The following LRRC26 variants were observed in gnomAD, a reference collection of about 807,000 sequenced individuals.
LRRC26 encodes the protein leucine rich repeat containing 26.
A neutral mutation model predicts 15.3 loss-of-function variants in LRRC26; 17 were observed. That is an observed-to-expected ratio of 1.11 (90% confidence interval 0.76 to 1.66). The LOEUF is 1.66. Ranked by LOEUF, LRRC26 falls within the 40% of genes most tolerant of loss-of-function variation. The pLI, the probability that LRRC26 is intolerant of heterozygous loss-of-function variation, is 0.00. For missense variants in LRRC26, 573 were observed against 501.0 expected (o/e 1.14, Z -1.37); for synonymous variants, 301 against 272.1 (o/e 1.11, Z -1.05).
At position 137,168,872 on chromosome 9, in the gene LRRC26, G is replaced by A. The variant is rs756669702; in HGVS notation, c.987C>T (p.Ala329=). Residue 329 remains alanine, a synonymous_variant, in exon 2 of 2, where the codon GCC becomes GCT. Coordinates refer to ENST00000371542, the MANE Select transcript of LRRC26 (RefSeq NM_001013653.3). ...CGGCCGCTCAGGCTTGGGCGGCAGC[G>A]GCGGGGCTCCCCGGGTCCGCGGGCG... ...CASPADPGSP[A]AAAQA The A allele has an allele frequency of 3.1e-5, 39 of 1,251,024 alleles. No homozygotes were observed. The highest frequency in any genetic ancestry group is 3.5e-5 in the Non-Finnish European group (35 of 1,002,640). The allele number at this position is 1,251,024 out of a possible 1,614,324, so 77.5% of individuals were successfully genotyped here. A position where few individuals can be genotyped will look rare whatever the true frequency, so the allele number is the denominator to read the frequency against.
At position 137,169,108 on chromosome 9, in the gene LRRC26, TA is replaced by T; in HGVS notation, c.750del (p.Phe250LeufsTer?). Reference protein sequence around the residue: ...SPLTAFSDAAFSHCAQPLALR... With the variant: ...SPLTAFSDAAXSHCAQPLALR... ...AGGGCGAGCGGCTGCGCGCAATGGC[TA>T]AAGGCGGCGTCGGAAAAGGCAGTCA... On this transcript the variant is annotated frameshift_variant, in exon 2 of 2. Transcript: ENST00000371542. LOFTEE classifies it low-confidence loss of function (END_TRUNC). 1 of 1,561,872 alleles carries T rather than the reference TA, an allele frequency of 6.4e-7. No homozygotes were observed.
chr9:137,169,374 C>A lies in LRRC26; in HGVS notation c.570G>T (p.Leu190=), dbSNP rs1321549202. Residue 190 remains leucine, a synonymous_variant, in exon 1 of 2, where the codon CTG becomes CTT. Coordinates refer to ENST00000371542, the MANE Select transcript of LRRC26 (RefSeq NM_001013653.3). ...AALAPGLLGR[L]PALDALHLRG... is the part of the protein sequence containing the mutation. ...GCAGGTGCAGCGCGTCTAGAGCGGGCAGGCGGCCCAGCAGCCCCGGCGCGA... is the reference window on the plus strand; with the variant it reads ...GCAGGTGCAGCGCGTCTAGAGCGGGAAGGCGGCCCAGCAGCCCCGGCGCGA... 2.0e-6 allele frequency: 3 copies of A among 1,485,776 alleles called. No homozygotes were observed. The Admixed American group carries it at 6.9e-5, about 34-fold the overall frequency. The allele number at this position is 1,485,776 out of a possible 1,614,324, so 92.0% of individuals were successfully genotyped here.
Position 137,169,947 on chromosome 9 carries a change from G to A in LRRC26, c.-4C>T, listed in dbSNP as rs961044389. ...GCGACCAGGAAGGGCCCCGCATGGG[G>A]GCAGCCCCCCCGCCCCCGGCACCCG... On this transcript the variant is annotated 5_prime_UTR_variant, in exon 1 of 2. Coordinates refer to ENST00000371542, the MANE Select transcript of LRRC26 (RefSeq NM_001013653.3). The A allele has an allele frequency of 1.4e-6, 2 of 1,424,506 alleles. No individual in the cohort carries two copies. The highest frequency in any genetic ancestry group is 5.9e-5 in the East Asian group (2 of 33,844). The allele number at this position is 1,424,506 out of a possible 1,614,324, so 88.2% of individuals were successfully genotyped here.
rs1410467611 is a variant in LRRC26, at chr9:137,169,522, G to A, written c.422C>T (p.Pro141Leu). ...LEALAPGTFA[P>L]LRALRNLSLA... ...TGAGAGGTTGCGCAGCGCGCGCAGC[G>A]GCGCGAAAGTCCCTGGTGCCAGTGC... is the stretch of plus-strand genomic sequence containing the variant. Residue 141 changes from proline to leucine, a missense_variant, in exon 1 of 2, where the codon CCG becomes CTG. Coordinates refer to ENST00000371542, the MANE Select transcript of LRRC26 (RefSeq NM_001013653.3). 2.0e-6 allele frequency: 3 copies of A among 1,523,760 alleles called. No individual in the cohort carries two copies. The East Asian group carries it at 7.7e-5, about 39-fold the overall frequency. 94.4% of individuals were successfully genotyped at this position (1,523,760 alleles called of 1,614,324 possible). A position where few individuals can be genotyped will look rare whatever the true frequency, so the allele number is the denominator to read the frequency against.
chr9:137,169,702 T>C lies in LRRC26; in HGVS notation c.242A>G (p.Asn81Ser). The change falls in exon 1 of 2, where the codon AAC becomes AGC. Residue 81 changes from asparagine to serine, a missense_variant. Physicochemically the swap from Asn to Ser is conservative, Grantham distance 46. Transcript: ENST00000371542. ...LRLRALLLDH[N>S]RVRALPPGAF... ...ACCTGGCGGCAGCGCACGGACGCGG[T>C]TGTGGTCCAGCAGCAGCGCGCGCAG... 6.7e-7 allele frequency: 1 copy of C among 1,489,394 alleles called. No individual in the cohort carries two copies. Among genetic ancestry groups the C allele is most frequent in the Non-Finnish European group, 8.9e-7 (1 of 1,126,956 alleles). The allele number at this position is 1,489,394 out of a possible 1,614,324, so 92.3% of individuals were successfully genotyped here. A position where few individuals can be genotyped will look rare whatever the true frequency, so the allele number is the denominator to read the frequency against.
Position 137,169,270 on chromosome 9 carries a change from C to T in LRRC26, c.673+1G>A, listed in dbSNP as rs1834030834. 1.5e-6 allele frequency: 2 copies of T among 1,378,080 alleles called. No individual in the cohort carries two copies. Among genetic ancestry groups the T allele is most frequent in the Non-Finnish European group, 9.3e-7 (1 of 1,074,352 alleles). 85.4% of individuals were successfully genotyped at this position (1,378,080 alleles called of 1,614,324 possible). ...CCCGACCCGCGTCCCCAGCAGCTCACCTGACGCGGGCAGCGGGTGCCGGCG... is the reference window on the plus strand; with the variant it reads ...CCCGACCCGCGTCCCCAGCAGCTCATCTGACGCGGGCAGCGGGTGCCGGCG... On this transcript the variant is annotated splice_donor_variant, in intron 1 of 1. Transcript: ENST00000371542. LOFTEE classifies it high-confidence loss of function.
In LRRC26 at chr9:137,169,104, T is replaced by C; in HGVS notation, c.755A>G (p.His252Arg). ...LTAFSDAAFS[H>R]CAQPLALRDL... Reference sequence around the variant, plus strand: ...CCGCAGGGCGAGCGGCTGCGCGCAATGGCTAAAGGCGGCGTCGGAAAAGGC... The same window carrying C: ...CCGCAGGGCGAGCGGCTGCGCGCAACGGCTAAAGGCGGCGTCGGAAAAGGC... The change falls in exon 2 of 2, where the codon CAT becomes CGT. Residue 252 changes from histidine to arginine, a missense_variant. By Grantham distance (29) the His-to-Arg change is conservative. Coordinates refer to ENST00000371542, the MANE Select transcript of LRRC26 (RefSeq NM_001013653.3). 6.4e-7 allele frequency: 1 copy of C among 1,562,314 alleles called. No individual in the cohort carries two copies. Among genetic ancestry groups the C allele is most frequent in the Non-Finnish European group, 8.6e-7 (1 of 1,160,682 alleles).
Position 137,169,453 on chromosome 9 carries a change from C to G in LRRC26, c.491G>C (p.Gly164Ala). 1 of 1,516,938 alleles carries G rather than the reference C, an allele frequency of 6.6e-7. No individual in the cohort carries two copies. The highest frequency in any genetic ancestry group is 8.8e-7 in the Non-Finnish European group (1 of 1,141,112). The allele number at this position is 1,516,938 out of a possible 1,614,324, so 94.0% of individuals were successfully genotyped here. Residue 164 changes from glycine to alanine, a missense_variant, in exon 1 of 2, where the codon GGC becomes GCC. Coordinates refer to ENST00000371542, the MANE Select transcript of LRRC26 (RefSeq NM_001013653.3). ...GAGTGAGCGCAGCAGCGGGAGCGCG[C>G]CTAGCGCCGCGGGCTCCAGGCGCGC... The part of the protein sequence containing the change: ...RLARLEPAAL[G>A]ALPLLRSLSL...
chr9:137,169,812 G>C lies in LRRC26; in HGVS notation c.132C>G (p.Pro44=). 1 of 1,428,162 alleles carries C rather than the reference G, an allele frequency of 7.0e-7. No individual in the cohort carries two copies. The highest frequency in any genetic ancestry group is 1.5e-5 in the South Asian group (1 of 68,368). 88.5% of individuals were successfully genotyped at this position (1,428,162 alleles called of 1,614,324 possible). A position where few individuals can be genotyped will look rare whatever the true frequency, so the allele number is the denominator to read the frequency against. The part of the protein sequence containing the change: ...PSGSLGAPDC[P]EVCTCVPGGL... ...CTCCCGGCACGCACGTGCACACCTC[G>C]GGGCAGTCCGGGGCGCCCAGGGACC... is the stretch of plus-strand genomic sequence containing the variant. Residue 44 remains proline (P), a synonymous_variant, in exon 1 of 2, where the codon CCC becomes CCG. Transcript: ENST00000371542.
Position 137,168,881 on chromosome 9 carries a change from C to T in LRRC26, c.978G>A (p.Gly326=). The T allele has an allele frequency of 7.9e-7, 1 of 1,260,408 alleles. No individual in the cohort carries two copies. The highest frequency in any genetic ancestry group is 9.9e-7 in the Non-Finnish European group (1 of 1,008,194). The allele number at this position is 1,260,408 out of a possible 1,614,324, so 78.1% of individuals were successfully genotyped here. The change falls in exon 2 of 2, where the codon GGG becomes GGA. Residue 326 remains glycine, a synonymous_variant. Coordinates refer to ENST00000371542, the MANE Select transcript of LRRC26 (RefSeq NM_001013653.3). The part of the protein sequence containing the change: ...PHGCASPADP[G]SPAAAAQA ...AGGCTTGGGCGGCAGCGGCGGGGCT[C>T]CCCGGGTCCGCGGGCGAGGCACAGC...
Position 137,168,879 on chromosome 9 carries a change from C to T in LRRC26, c.980G>A (p.Ser327Asn). 1 of 1,254,108 alleles carries T rather than the reference C, an allele frequency of 8.0e-7. No homozygotes were observed. The highest frequency in any genetic ancestry group is 1.6e-5 in the African/African-American group (1 of 64,348). The allele number at this position is 1,254,108 out of a possible 1,614,324, so 77.7% of individuals were successfully genotyped here. A position where few individuals can be genotyped will look rare whatever the true frequency, so the allele number is the denominator to read the frequency against. The change falls in exon 2 of 2, where the codon AGC becomes AAC. Residue 327 changes from serine to asparagine, a missense_variant. By Grantham distance (46) the Ser-to-Asn change is conservative. Transcript: ENST00000371542. ...TCAGGCTTGGGCGGCAGCGGCGGGG[C>T]TCCCCGGGTCCGCGGGCGAGGCACA... ...HGCASPADPG[S>N]PAAAAQA
In LRRC26 at chr9:137,168,963, G is replaced by T; in HGVS notation, c.896C>A (p.Thr299Asn). 1 of 1,416,914 alleles carries T rather than the reference G, an allele frequency of 7.1e-7. No homozygotes were observed. The highest frequency in any genetic ancestry group is 1.5e-5 in the African/African-American group (1 of 66,976). The allele number at this position is 1,416,914 out of a possible 1,614,324, so 87.8% of individuals were successfully genotyped here. A position where few individuals can be genotyped will look rare whatever the true frequency, so the allele number is the denominator to read the frequency against. The change falls in exon 2 of 2, where the codon ACC becomes AAC. Residue 299 changes from threonine to asparagine, a missense_variant. Transcript: ENST00000371542. The part of the protein sequence containing the change: ...ACRARRRRLR[T>N]AALRPPRPPD... ...CGGTCTCGGCGGGCGGAGGGCGGCG[G>T]TGCGGAGGCGGCGGCGGCGCGCACG...
Position 137,169,516 on chromosome 9 carries a change from C to T in LRRC26, c.428G>A (p.Arg143His), listed in dbSNP as rs1834040887. The change falls in exon 1 of 2, where the codon CGC becomes CAC. Residue 143 changes from arginine to histidine, a missense_variant. Arg to His is a conservative substitution (Grantham distance 29). Coordinates refer to ENST00000371542, the MANE Select transcript of LRRC26 (RefSeq NM_001013653.3). Reference protein sequence around the residue: ...ALAPGTFAPLRALRNLSLAGN... With the variant: ...ALAPGTFAPLHALRNLSLAGN... Reference sequence around the variant, plus strand: ...GGCCAATGAGAGGTTGCGCAGCGCGCGCAGCGGCGCGAAAGTCCCTGGTGC... The same window carrying T: ...GGCCAATGAGAGGTTGCGCAGCGCGTGCAGCGGCGCGAAAGTCCCTGGTGC... 6.6e-7 allele frequency: 1 copy of T among 1,524,056 alleles called. No individual in the cohort carries two copies. The highest frequency in any genetic ancestry group is 8.8e-7 in the Non-Finnish European group (1 of 1,142,536). 94.4% of individuals were successfully genotyped at this position (1,524,056 alleles called of 1,614,324 possible).
Position 137,168,835 on chromosome 9 carries a change from TC to T in LRRC26, c.*18del. The T allele has an allele frequency of 8.1e-7, 1 of 1,231,750 alleles. No homozygotes were observed. The highest frequency in any genetic ancestry group is 1.0e-6 in the Non-Finnish European group (1 of 989,332). 76.3% of individuals were successfully genotyped at this position (1,231,750 alleles called of 1,614,324 possible). On this transcript the variant is annotated 3_prime_UTR_variant, in exon 2 of 2. Coordinates refer to ENST00000371542, the MANE Select transcript of LRRC26 (RefSeq NM_001013653.3). The stretch of plus-strand genomic sequence containing the variant: ...AAGGCATGGGGGAAGCTTCGAGCGC[TC>T]CAGGCGGCCGCGGCCGCTCAGGCTT...
chr9:137,169,642 T>C lies in LRRC26; in HGVS notation c.302A>G (p.Asp101Gly). ...CGAGTGCAGCCCGTTCTCGCGCAGG[T>C]CCAGGCGCTGTAGCGCGCCCGCTCC... ...FAGAGALQRL[D>G]LRENGLHSVH... Residue 101 changes from aspartate (D) to glycine (G), a missense_variant, in exon 1 of 2, where the codon GAC becomes GGC. By Grantham distance (94) the Asp-to-Gly change is moderately conservative (BLOSUM62 -1). Coordinates refer to ENST00000371542, the MANE Select transcript of LRRC26 (RefSeq NM_001013653.3). 6.6e-7 allele frequency: 1 copy of C among 1,507,964 alleles called. No individual in the cohort carries two copies. Among genetic ancestry groups the C allele is most frequent in the Non-Finnish European group, 8.8e-7 (1 of 1,135,100 alleles). 93.4% of individuals were successfully genotyped at this position (1,507,964 alleles called of 1,614,324 possible).
rs975611956 is a variant in LRRC26, at chr9:137,168,796, G to T, written c.*58C>A. The T allele has an allele frequency of 7.6e-6, 9 of 1,176,592 alleles. No homozygotes were observed. In the Admixed American group the frequency reaches 1.3e-4, roughly 17 times the overall value. The allele number at this position is 1,176,592 out of a possible 1,614,324, so 72.9% of individuals were successfully genotyped here. On this transcript the variant is annotated 3_prime_UTR_variant, in exon 2 of 2. Transcript: ENST00000371542. ...TCGCTTGTTGACGCCGGCAGACAGTGTAAAGGGAGGGCAAAGGCATGGGGG... is the reference window on the plus strand; with the variant it reads ...TCGCTTGTTGACGCCGGCAGACAGTTTAAAGGGAGGGCAAAGGCATGGGGG...
Position 137,169,714 on chromosome 9 carries a change from A to T in LRRC26, c.230T>A (p.Leu77Gln), listed in dbSNP as rs1423310430. The T allele has an allele frequency of 8.8e-6, 13 of 1,469,260 alleles. No homozygotes were observed. The highest frequency in any genetic ancestry group is 2.5e-5 in the Admixed American group (1 of 39,716). The allele number at this position is 1,469,260 out of a possible 1,614,324, so 91.0% of individuals were successfully genotyped here. A position where few individuals can be genotyped will look rare whatever the true frequency, so the allele number is the denominator to read the frequency against. ...PGLSLRLRAL[L>Q]LDHNRVRALP... ...CGCACGGACGCGGTTGTGGTCCAGC[A>T]GCAGCGCGCGCAGGCGCAGGCTCAG... is the stretch of plus-strand genomic sequence containing the variant. The change falls in exon 1 of 2, where the codon CTG becomes CAG. Residue 77 changes from leucine to glutamine, a missense_variant. Coordinates refer to ENST00000371542, the MANE Select transcript of LRRC26 (RefSeq NM_001013653.3).
At position 137,169,981 on chromosome 9, in the gene LRRC26, G is replaced by T; in HGVS notation, c.-38C>A. On this transcript the variant is annotated 5_prime_UTR_variant, in exon 1 of 2. Transcript: ENST00000371542. ...CCCGCCCCCGGCACCCGCGGTGGGAGGCCCGCTGCCTGTGCGTCCCTGGAG... is the reference window on the plus strand; with the variant it reads ...CCCGCCCCCGGCACCCGCGGTGGGATGCCCGCTGCCTGTGCGTCCCTGGAG... The T allele has an allele frequency of 7.2e-7, 1 of 1,387,156 alleles. No homozygotes were observed. 85.9% of individuals were successfully genotyped at this position (1,387,156 alleles called of 1,614,324 possible). A position where few individuals can be genotyped will look rare whatever the true frequency, so the allele number is the denominator to read the frequency against.
At position 137,168,807 on chromosome 9, in the gene LRRC26, G is replaced by T; in HGVS notation, c.*47C>A. ...CGCCGGCAGACAGTGTAAAGGGAGGGCAAAGGCATGGGGGAAGCTTCGAGC... is the reference window on the plus strand; with the variant it reads ...CGCCGGCAGACAGTGTAAAGGGAGGTCAAAGGCATGGGGGAAGCTTCGAGC... On this transcript the variant is annotated 3_prime_UTR_variant, in exon 2 of 2. Transcript: ENST00000371542. 1.7e-6 allele frequency: 2 copies of T among 1,203,328 alleles called. No homozygotes were observed. Among genetic ancestry groups the T allele is most frequent in the Non-Finnish European group, 2.1e-6 (2 of 965,086 alleles). The allele number at this position is 1,203,328 out of a possible 1,614,324, so 74.5% of individuals were successfully genotyped here.
Sources: allele counts gnomAD v4.1 joint callset, GRCh38; gene constraint gnomAD v4.1.1; transcripts MANE v1.5; gene names NCBI Gene and HGNC (gene_info 2026-07-23, HGNC 2026-07-21).